POPDC1: variants seen among roughly 807,000 people sequenced by gnomAD.
POPDC1 encodes popeye domain-containing protein 1.
the POPDC1 span, among the ~76,000 whole-genome samples, chr6:105,122,850 G>C: frequency 6.6e-6 from 1 of 152,164 alleles, no homozygotes; most frequent in Admixed American, 6.5e-5. Flanking sequence ...AGCATTAGCT[G>C]TCTCCTTCTG....
the POPDC1 span, among the ~76,000 whole-genome samples, chr6:105,130,892 A>G: frequency 4.6e-5 from 7 of 152,202 alleles, no homozygotes. Context: ...GGAATTATGT[A>G]TACTTTATTT....
At chr6:105,114,969 G>C in the POPDC1 span, among the ~76,000 whole-genome samples, 1 of 152,160 alleles carries the variant, frequency 6.6e-6, no homozygotes, top group Non-Finnish European at 1.5e-5. Flanking sequence ...AACATTTCTG[G>C]GTCTAGGCTT....
the POPDC1 span, among the ~76,000 whole-genome samples, chr6:105,117,278 G>A: frequency 6.6e-6 from 1 of 152,124 alleles, no homozygotes; most frequent in African/African-American, 2.4e-5. Flanking sequence ...TAAGATTCAT[G>A]AGGCAAGTTG....
chr6:105,121,559 C>T, the POPDC1 span, among the ~76,000 whole-genome samples: 5 of 152,100 alleles, frequency 3.3e-5, no homozygotes, highest in African/African-American at 1.2e-4. Context: ...TGGGCGGCCG[C>T]GCCTGGCCTA....
chr6:105,110,536 T>C, the POPDC1 span, among the ~76,000 whole-genome samples: 1 of 152,220 alleles, frequency 6.6e-6, no homozygotes, highest in Non-Finnish European at 1.5e-5. Context: ...CTATAATGGC[T>C]TTTTGCGTCT....
At chr6:105,115,125 C>T in the POPDC1 span, among the ~76,000 whole-genome samples, 1 of 152,230 alleles carries the variant, frequency 6.6e-6, no homozygotes, top group Admixed American at 6.5e-5. Flanking sequence ...CTCGCTCTGT[C>T]GCCCAGGCTG....
the POPDC1 span, among the ~76,000 whole-genome samples, chr6:105,118,430 T>A: frequency 6.6e-6 from 1 of 152,256 alleles, no homozygotes; most frequent in Admixed American, 6.5e-5. Flanking sequence ...TTTTAAGAAA[T>A]GCATCAGCAT....
At chr6:105,125,727 G>T in the POPDC1 span, 2 of 759,320 alleles carry the variant, frequency 2.6e-6, no homozygotes, top group Non-Finnish European at 4.2e-6. Context: ...ATCTTACACA[G>T]CAAGTGAAAT....
At chr6:105,125,839 G>A in the POPDC1 span, among the ~76,000 whole-genome samples, 9 of 152,158 alleles carry the variant, frequency 5.9e-5, no homozygotes, top group African/African-American at 2.2e-4. Context: ...GAGGTGGGAG[G>A]AGCACTTGAG....
At chr6:105,114,850 A>AT in the POPDC1 span, among the ~76,000 whole-genome samples, 1 of 152,214 alleles carries the variant, frequency 6.6e-6, no homozygotes, top group Admixed American at 6.5e-5. Flanking sequence ...GATCTCCTTC[A>AT]TCTTTGGGAA....
At chr6:105,100,113 C>G in the POPDC1 span, 1 of 152,144 alleles carries the variant, frequency 6.6e-6, no homozygotes, top group East Asian at 1.9e-4. Flanking sequence ...GTTATCCACA[C>G]AGTGCCCAAT....
At chr6:105,109,521 T>C in the POPDC1 span, among the ~76,000 whole-genome samples, 1 of 151,770 alleles carries the variant, frequency 6.6e-6, no homozygotes, top group African/African-American at 2.4e-5. Flanking sequence ...ACAGATCACT[T>C]GAGCCCAGGA....
At chr6:105,124,545 AC>A in the POPDC1 span, 9 of 1,575,508 alleles carry the variant, frequency 5.7e-6, no homozygotes, top group Non-Finnish European at 7.0e-6. Context: ...GTGAAAACAT[AC>A]CTGGAATTTT....
At chr6:105,111,100 T>C in the POPDC1 span, among the ~76,000 whole-genome samples, 1 of 152,186 alleles carries the variant, frequency 6.6e-6, no homozygotes, top group African/African-American at 2.4e-5. Context: ...TATTATTTCA[T>C]GAAAAAAGAC....
At chr6:105,108,594 A>G in the POPDC1 span, among the ~76,000 whole-genome samples, 2 of 152,236 alleles carry the variant, frequency 1.3e-5, no homozygotes, top group Admixed American at 6.5e-5. Context: ...CAAGGCAATG[A>G]AACAACTTTA....
chr6:105,109,777 A>AAAAAAAAAAAAAAAAAAAAAAAAAAAAG, the POPDC1 span, among the ~76,000 whole-genome samples: 1 of 147,182 alleles, frequency 6.8e-6, no homozygotes, highest in Non-Finnish European at 1.5e-5. Flanking sequence ...AAAAAAAAAA[A>AAAAAAAAAAAAAAAAAAAAAAAAAAAAG]AAAAAGATTA....
chr6:105,136,870 G>A, the POPDC1 span: 2 of 152,210 alleles, frequency 1.3e-5, no homozygotes, highest in African/African-American at 4.8e-5. Flanking sequence ...GAGGGGCTGA[G>A]ATCCAACTTT....
the POPDC1 span, among the ~76,000 whole-genome samples, chr6:105,125,994 C>T: frequency 1.1e-4 from 17 of 152,152 alleles, no homozygotes; most frequent in South Asian, 6.2e-4. Context: ...AAGGCCGAGG[C>T]GGGTGGATCT....
the POPDC1 span, among the ~76,000 whole-genome samples, chr6:105,105,413 A>T: frequency 6.6e-6 from 1 of 152,176 alleles, no homozygotes; most frequent in Non-Finnish European, 1.5e-5. Flanking sequence ...TAACATTCAC[A>T]TCCAGGAAGA....
Sources: gnomAD v4.1 joint callset for allele counts (sites outside exome capture counted in the v4.1 genomes callset) on GRCh38, gnomAD v4.1.1 for gene constraint, MANE v1.5 for transcripts, NCBI Gene and HGNC (gene_info 2026-07-23, HGNC 2026-07-21) for gene names.